VPS13D: variants seen among roughly 807,000 people sequenced by gnomAD.
The protein encoded by VPS13D is intermembrane lipid transfer protein VPS13D.
Under a neutral mutation model 461.9 loss-of-function variants are expected in VPS13D, and 187 were observed. That is an observed-to-expected ratio of 0.40 (90% confidence interval 0.36 to 0.46). The LOEUF (loss-of-function observed/expected upper bound fraction) is 0.46. VPS13D is among the 20% of genes least tolerant of loss of function. The probability of loss-of-function intolerance (pLI) is 0.60; values close to 1 mark genes in which losing one functional copy is unlikely to be tolerated. For missense variants in VPS13D, 4,711 were observed against 5,364.9 expected, an observed-to-expected ratio of 0.88 and a Z score of 3.81; for synonymous variants, 1,951 against 1,986.3, an observed-to-expected ratio of 0.98 and a Z score of 0.47.
At chr1:12,278,419 C>T (rs534892336) in intron 19 of VPS13D, among the ~76,000 whole-genome samples, 2 of 152,222 alleles carry the variant, frequency 1.3e-5, no homozygotes, top group Admixed American at 1.3e-4. Flanking sequence ...TACTTACAGG[C>T]ACCCGCTACC....
At chr1:12,408,361 T>C (rs1483247668) in intron 63 of VPS13D, among the ~76,000 whole-genome samples, 5 of 152,016 alleles carry the variant, frequency 3.3e-5, no homozygotes, top group Admixed American at 1.3e-4. Context: ...ATTAACTTGA[T>C]GTTGGACTTT....
intron 67 of VPS13D, among the ~76,000 whole-genome samples, chr1:12,474,001 T>A (rs1645597430): frequency 6.6e-6 from 1 of 152,130 alleles, no homozygotes; most frequent in African/African-American, 2.4e-5. Context: ...CAAACTATTG[T>A]TAGTGTCTGC....
intron 65 of VPS13D, among the ~76,000 whole-genome samples, chr1:12,420,499 T>G (rs1193809064): frequency 4.6e-5 from 7 of 152,250 alleles, no homozygotes; most frequent in African/African-American, 1.7e-4. Context: ...CCAGAGGGCT[T>G]TAGCCTGGTT....
At position 12,294,949 on chromosome 1, in the gene VPS13D, G is replaced by A. The variant is rs139547255; in HGVS notation, c.6033+1245G>A. Among the ~76,000 whole-genome samples the A allele has an allele frequency of 5.6e-3, 851 of 152,106 alleles. 3 individuals carry two copies. The highest frequency in any genetic ancestry group is 0.02 in the African/African-American group (822 of 41,496). ...TTTTAAAAAAACTTTATGGCCAGGC[G>A]TGGTGGCTCACACCTGTAATCCCAG... On this transcript the variant is annotated intron_variant, in intron 24 of 69. Coordinates refer to ENST00000620676, the MANE Select transcript of VPS13D (RefSeq NM_015378.4).
intron 65 of VPS13D, among the ~76,000 whole-genome samples, chr1:12,428,379 G>A (rs1246613477): frequency 6.6e-6 from 1 of 152,190 alleles, no homozygotes; most frequent in African/African-American, 2.4e-5. Flanking sequence ...ACACCAGTGG[G>A]GAAGCCCTCC....
In VPS13D at chr1:12,507,486, C is replaced by A; in HGVS notation, c.13035+393C>A. On this transcript the variant is annotated intron_variant, in intron 69 of 69. Coordinates refer to ENST00000620676, the MANE Select transcript of VPS13D (RefSeq NM_015378.4). The surrounding 1 kb of genome is among the most constrained non-coding windows in gnomAD (Gnocchi z 5.3). ...AGCACTGGAGCTCACGCTGGTTTCT[C>A]CATTGTTTCTCCTTAACAGTGGAAA... is the stretch of plus-strand genomic sequence containing the variant. 2.1e-6 allele frequency: 1 copy of A among 471,450 alleles called. No individual in the cohort carries two copies. Among genetic ancestry groups the A allele is most frequent in the Non-Finnish European group, 4.2e-6 (1 of 237,276 alleles). 29.2% of individuals were successfully genotyped at this position (471,450 alleles called of 1,614,324 possible). A position where few individuals can be genotyped will look rare whatever the true frequency, so the allele number is the denominator to read the frequency against.
intron 10 of VPS13D, 75 bp downstream of exon 10, chr1:12,258,178 G>A: frequency 3.2e-6 from 5 of 1,560,544 alleles, no homozygotes; most frequent in Non-Finnish European, 4.4e-6. Context: ...TAAAGAAAAT[G>A]GGATCTGTGA....
At chr1:12,389,551 G>A (rs921694357) in intron 60 of VPS13D, among the ~76,000 whole-genome samples, 3 of 152,124 alleles carry the variant, frequency 2.0e-5, no homozygotes. Context: ...ATAAAATGAA[G>A]ATATTTTCTT....
intron 26 of VPS13D, 118 bp from the exon 27 acceptor site, chr1:12,308,313 G>A: frequency 9.3e-7 from 1 of 1,069,856 alleles, no homozygotes; most frequent in South Asian, 1.6e-5. Flanking sequence ...GTGTGGGGAA[G>A]CAGGCAGCTG....
intron 21 of VPS13D, among the ~76,000 whole-genome samples, chr1:12,286,473 C>T (rs572154497): frequency 3.9e-5 from 6 of 152,304 alleles, no homozygotes; most frequent in African/African-American, 9.6e-5. Flanking sequence ...AGTGTATCTG[C>T]CCCCCTCCAA....
At chr1:12,426,687 A>G (rs1157485679) in intron 65 of VPS13D, among the ~76,000 whole-genome samples, 1 of 152,072 alleles carries the variant, frequency 6.6e-6, no homozygotes, top group African/African-American at 2.4e-5. Context: ...CAGAGGGAGA[A>G]TGTTGGGGAG....
At chr1:12,401,829 C>A in intron 62 of VPS13D, 125 bp downstream of exon 62, 1 of 690,140 alleles carries the variant, frequency 1.4e-6, no homozygotes, top group Non-Finnish European at 2.5e-6. Flanking sequence ...TCAGCCTGAG[C>A]TAGGAAGCTA....
intron 22 of VPS13D, among the ~76,000 whole-genome samples, chr1:12,288,878 G>GT (rs1642048945): frequency 6.6e-6 from 1 of 152,102 alleles, no homozygotes; most frequent in African/African-American, 2.4e-5. Flanking sequence ...ATCTCGCTTG[G>GT]TTGCCCAGGC....
chr1:12,356,627 A>T (rs182176246), intron 49 of VPS13D, 103 bp downstream of exon 49: 195 of 1,426,330 alleles, frequency 1.4e-4, no homozygotes, highest in Middle Eastern at 4.8e-4. Context: ...TACTGTAGAT[A>T]ACAATCCTGA....
At chr1:12,387,732 A>G (rs551845153) in intron 60 of VPS13D, among the ~76,000 whole-genome samples, 3 of 152,250 alleles carry the variant, frequency 2.0e-5, no homozygotes, top group African/African-American at 4.8e-5. Flanking sequence ...ACTACACTGG[A>G]TGGAATATAG....
intron 36 of VPS13D, among the ~76,000 whole-genome samples, chr1:12,329,152 C>T (rs886085053): frequency 6.6e-6 from 1 of 152,176 alleles, no homozygotes; most frequent in African/African-American, 2.4e-5. Flanking sequence ...TTTATCAGAA[C>T]ATGACTTCTC....
intron 69 of VPS13D, among the ~76,000 whole-genome samples, 154 bp from the exon 70 acceptor site, chr1:12,508,739 G>A (rs141160774): frequency 1.9e-3 from 295 of 151,938 alleles, no homozygotes; most frequent in Non-Finnish European, 3.3e-3. Flanking sequence ...TTGTGAGTGC[G>A]AGTGAAGCAG....
intron 60 of VPS13D, among the ~76,000 whole-genome samples, chr1:12,393,514 A>G (rs1644455390): frequency 6.6e-6 from 1 of 152,236 alleles, no homozygotes; most frequent in South Asian, 2.1e-4. Context: ...AGCAGCTGCA[A>G]TTGGAGTCAC....
intron 2 of VPS13D, among the ~76,000 whole-genome samples, chr1:12,240,143 C>G (rs1250388473): frequency 6.6e-6 from 1 of 152,108 alleles, no homozygotes; most frequent in Non-Finnish European, 1.5e-5. Flanking sequence ...TACATTCTCT[C>G]TCTCCTTTCT....
Sources: allele counts gnomAD v4.1 joint callset (sites outside exome capture counted in the v4.1 genomes callset), GRCh38; gene constraint gnomAD v4.1.1; non-coding constraint Gnocchi (gnomAD v3.1); transcripts MANE v1.5; gene names NCBI Gene and HGNC (gene_info 2026-07-23, HGNC 2026-07-21).